Variants in GPATCH2 observed in about 807,000 individuals in gnomAD.
The protein encoded by GPATCH2 is G patch domain-containing protein 2.
Under a neutral mutation model 58.0 loss-of-function variants are expected in GPATCH2, and 51 were observed. That is an observed-to-expected ratio of 0.88 (90% CI 0.70 to 1.11). GPATCH2 has a LOEUF of 1.11. Ranked by LOEUF, GPATCH2 falls within the 50% of genes most tolerant of loss-of-function variation. The pLI is 0.00. For synonymous variants in GPATCH2, 222 were observed against 218.5 expected, an observed-to-expected ratio of 1.02 and a Z score of -0.14; for missense variants, 625 against 652.2, an observed-to-expected ratio of 0.96 and a Z score of 0.45.
chr1:217,515,564 C>T (rs1403116915), intron 5 of GPATCH2, among the ~76,000 whole-genome samples: 1 of 151,848 alleles, frequency 6.6e-6, no homozygotes, highest in Non-Finnish European at 1.5e-5. Context: ...AAAAATTAGC[C>T]GGGCATGGTG....
At chr1:217,475,440 A>AAAAAC (rs757792108) in intron 8 of GPATCH2, among the ~76,000 whole-genome samples, 2 of 152,228 alleles carry the variant, frequency 1.3e-5, no homozygotes, top group Non-Finnish European at 2.9e-5. Context: ...CTCCATCTCA[A>AAAAAC]AAAACAAAAC....
intron 6 of GPATCH2, among the ~76,000 whole-genome samples, chr1:217,510,691 T>C (rs933826541): frequency 2.0e-5 from 3 of 152,114 alleles, no homozygotes; most frequent in Admixed American, 6.5e-5. Context: ...AGGAACTTGG[T>C]TAGAGCAGTC....
At chr1:217,468,999 G>A (rs1213425069) in intron 8 of GPATCH2, among the ~76,000 whole-genome samples, 1 of 152,048 alleles carries the variant, frequency 6.6e-6, no homozygotes, top group Non-Finnish European at 1.5e-5. Flanking sequence ...GCCAGTATAA[G>A]TCATTACAGC....
At chr1:217,523,722 GGGGCTCCTC>G (rs1663610081) in intron 5 of GPATCH2, among the ~76,000 whole-genome samples, 2 of 150,616 alleles carry the variant, frequency 1.3e-5, no homozygotes, top group African/African-American at 5.0e-5. Context: ...GCCGGGCAGA[GGGGCTCCTC>G]ACTTCCCAGT....
At chr1:217,568,513 G>A (rs1391576231) in intron 5 of GPATCH2, among the ~76,000 whole-genome samples, 1 of 152,120 alleles carries the variant, frequency 6.6e-6, no homozygotes, top group Admixed American at 6.5e-5. Flanking sequence ...AGAGTACTGG[G>A]GCAAGGGGGT....
intron 5 of GPATCH2, among the ~76,000 whole-genome samples, chr1:217,586,308 AC>A (rs1256161937): frequency 5.3e-5 from 8 of 152,336 alleles, no homozygotes; most frequent in Admixed American, 4.6e-4. Flanking sequence ...GCACAGCTGT[AC>A]AAAACTATTT....
At position 217,568,147 on chromosome 1, in the gene GPATCH2, C is replaced by A. The variant is rs551757287; in HGVS notation, c.1098+42174G>T. Among the ~76,000 whole-genome samples the A allele has an allele frequency of 7.2e-5, 11 of 152,060 alleles. No individual in the cohort carries two copies. In the East Asian group the frequency reaches 9.7e-4, roughly 13 times the overall value. ...ACAAAACAAAACAACAACAAAAAAA[C>A]CCCAACATTATTTATAACAGTATAA... On this transcript the variant is annotated intron_variant, in intron 5 of 9. Coordinates refer to ENST00000366935, the MANE Select transcript of GPATCH2 (RefSeq NM_018040.5).
At chr1:217,549,325 C>G (rs1294818975) in intron 5 of GPATCH2, among the ~76,000 whole-genome samples, 1 of 152,110 alleles carries the variant, frequency 6.6e-6, no homozygotes, top group African/African-American at 2.4e-5. Context: ...AGGATATAGA[C>G]TTCTCCCTCA....
intron 8 of GPATCH2, among the ~76,000 whole-genome samples, chr1:217,473,861 C>T (rs980485307): frequency 4.6e-5 from 7 of 152,064 alleles, no homozygotes; most frequent in African/African-American, 1.7e-4. Flanking sequence ...ATCTACTTTA[C>T]GATAAGGACA....
chr1:217,579,670 C>T (rs1318656606), intron 5 of GPATCH2, among the ~76,000 whole-genome samples: 2 of 152,054 alleles, frequency 1.3e-5, no homozygotes, highest in African/African-American at 4.8e-5. Flanking sequence ...TTTTATGTCA[C>T]ATATAAGGCA....
chr1:217,441,410 T>C (rs1162024683), intron 9 of GPATCH2, among the ~76,000 whole-genome samples: 1 of 152,076 alleles, frequency 6.6e-6, no homozygotes, highest in African/African-American at 2.4e-5. Context: ...GAAGAAAACC[T>C]AGGCAATACC....
intron 2 of GPATCH2, among the ~76,000 whole-genome samples, chr1:217,619,343 C>T (rs888944616): frequency 1.3e-5 from 2 of 152,100 alleles, no homozygotes; most frequent in Non-Finnish European, 2.9e-5. Context: ...TTTTTTATGT[C>T]AAGCCACAGA....
chr1:217,630,882 C>T (rs1669722870), intron 1 of GPATCH2, 34 bp downstream of exon 1: 1 of 1,540,514 alleles, frequency 6.5e-7, no homozygotes. Context: ...ACACCCTTCC[C>T]TGACCTCCCC....
intron 1 of GPATCH2, among the ~76,000 whole-genome samples, chr1:217,624,426 G>A (rs1163622711): frequency 3.3e-5 from 5 of 152,178 alleles, no homozygotes; most frequent in Non-Finnish European, 7.3e-5. Flanking sequence ...GCTGAGGCAG[G>A]AGAATCACTT....
chr1:217,607,971 A>G (rs1376165997), intron 5 of GPATCH2, among the ~76,000 whole-genome samples: 3 of 152,212 alleles, frequency 2.0e-5, no homozygotes, highest in Non-Finnish European at 2.9e-5. Context: ...CTTAAAAACA[A>G]TCTGGCTTTC....
Position 217,427,181 on chromosome 1 carries a change from G to C in GPATCH2, c.*3964C>G, listed in dbSNP as rs1282729476. ...CTCTGATACTTTAAGTGGTCAGAGA[G>C]AGCGTGTGTACCTTGTTACATTAGA... On this transcript the variant is annotated 3_prime_UTR_variant, in exon 10 of 10. Coordinates refer to ENST00000366935, the MANE Select transcript of GPATCH2 (RefSeq NM_018040.5). 1.3e-5 allele frequency: 2 copies of C among 152,164 alleles called. No individual in the cohort carries two copies. Among genetic ancestry groups the C allele is most frequent in the Non-Finnish European group, 2.9e-5 (2 of 68,022 alleles). The allele number at this position is 152,164 out of a possible 1,614,324, so 9.4% of individuals were successfully genotyped here.
At chr1:217,585,023 G>A (rs537818769) in intron 5 of GPATCH2, among the ~76,000 whole-genome samples, 1 of 152,000 alleles carries the variant, frequency 6.6e-6, no homozygotes, top group African/African-American at 2.4e-5. Flanking sequence ...TTAATATAAT[G>A]CATAATAGAC....
intron 6 of GPATCH2, among the ~76,000 whole-genome samples, chr1:217,513,205 C>T (rs528302763): frequency 2.6e-5 from 4 of 152,078 alleles, no homozygotes; most frequent in South Asian, 4.1e-4. Flanking sequence ...GCAGAAGAAT[C>T]GCTTGAACCC....
At chr1:217,587,169 G>T (rs1667378783) in intron 5 of GPATCH2, among the ~76,000 whole-genome samples, 1 of 152,064 alleles carries the variant, frequency 6.6e-6, no homozygotes, top group South Asian at 2.1e-4. Flanking sequence ...ACTACAAACA[G>T]GTTCCCAACA....
Sources: allele counts gnomAD v4.1 joint callset (sites outside exome capture counted in the v4.1 genomes callset), GRCh38; gene constraint gnomAD v4.1.1; transcripts MANE v1.5; gene names NCBI Gene and HGNC (gene_info 2026-07-23, HGNC 2026-07-21).